Variants in EFCAB6 observed in about 807,000 individuals in gnomAD.
The protein encoded by EFCAB6 is EF-hand calcium-binding domain-containing protein 6.
In EFCAB6, 156 loss-of-function variants were observed where a neutral mutation model predicts 169.8. The observed-to-expected ratio is 0.92, with a 90% CI of 0.81 to 1.05. EFCAB6 has a LOEUF of 1.05. Ranked by LOEUF, EFCAB6 falls within the 50% of genes least tolerant of loss-of-function variation. The pLI is 0.00. For missense variants in EFCAB6, 1,800 were observed against 1,829.1 expected (o/e 0.98, Z 0.29); for synonymous variants, 698 against 676.4 (o/e 1.03, Z -0.50).
intron 24 of EFCAB6, among the ~76,000 whole-genome samples, chr22:43,584,430 G>A (rs1490044127): frequency 2.6e-5 from 4 of 152,216 alleles, no homozygotes; most frequent in South Asian, 2.1e-4. Context: ...CCAGTCTTAC[G>A]TACCTCCCCA....
chr22:43,723,275 A>G (rs924575875), intron 8 of EFCAB6, among the ~76,000 whole-genome samples: 3 of 152,196 alleles, frequency 2.0e-5, no homozygotes, highest in African/African-American at 7.2e-5. Flanking sequence ...AAAGTTGAAC[A>G]CACATGGATA....
At chr22:43,555,610 C>A (rs768232729) in intron 26 of EFCAB6, among the ~76,000 whole-genome samples, 2 of 152,194 alleles carry the variant, frequency 1.3e-5, no homozygotes, top group Non-Finnish European at 1.5e-5. Flanking sequence ...TTCCTTGAAG[C>A]CTGAAACTTT....
At chr22:43,574,428 G>A (rs1285035430) in intron 26 of EFCAB6, among the ~76,000 whole-genome samples, 1 of 152,148 alleles carries the variant, frequency 6.6e-6, no homozygotes, top group African/African-American at 2.4e-5. Flanking sequence ...ACTTCTGGGA[G>A]CCTGTCTACT....
chr22:43,541,331 G>T lies in EFCAB6; in HGVS notation c.3649-974C>A, dbSNP rs8136623. ...GAGAGGTACGGAAGTCGGGGTTGGG[G>T]GGTGCAAAGGCAAAAAGGTTTAGTT... On this transcript the variant is annotated intron_variant, in intron 27 of 31. Transcript: ENST00000262726. Among the ~76,000 whole-genome samples, 254 of 152,306 alleles carry T rather than the reference G, an allele frequency of 1.7e-3. 1 individual carries two copies. The highest frequency in any genetic ancestry group is 5.8e-3 in the African/African-American group (240 of 41,562).
intron 2 of EFCAB6, among the ~76,000 whole-genome samples, chr22:43,786,356 A>G (rs926881325): frequency 6.6e-6 from 1 of 152,166 alleles, no homozygotes; most frequent in Non-Finnish European, 1.5e-5. Context: ...TGAAAAATAG[A>G]AGAAAAAACA....
At chr22:43,626,747 C>A (rs1256108907) in intron 19 of EFCAB6, 68 bp from the exon 20 acceptor site, 3 of 1,470,668 alleles carry the variant, frequency 2.0e-6, no homozygotes, top group Non-Finnish European at 2.8e-6. Context: ...TGCACACCCC[C>A]ACGTGTAGAG....
At chr22:43,675,256 GTATA>G in intron 13 of EFCAB6, among the ~76,000 whole-genome samples, 1 of 138,432 alleles carries the variant, frequency 7.2e-6, no homozygotes, top group Non-Finnish European at 1.5e-5. Context: ...TATATTATGT[GTATA>G]TAATATATTA....
chr22:43,544,885 G>A (rs2047956382), intron 27 of EFCAB6, among the ~76,000 whole-genome samples: 1 of 152,088 alleles, frequency 6.6e-6, no homozygotes, highest in African/African-American at 2.4e-5. Flanking sequence ...CACTTTGGGA[G>A]GCCGAGGCAG....
At chr22:43,680,206 CAG>C (rs1226610356) in intron 12 of EFCAB6, among the ~76,000 whole-genome samples, 1 of 152,164 alleles carries the variant, frequency 6.6e-6, no homozygotes, top group Non-Finnish European at 1.5e-5. Context: ...AACATTTTAA[CAG>C]ATATTTTCCT....
chr22:43,785,177 T>G (rs769504450), intron 2 of EFCAB6, among the ~76,000 whole-genome samples: 39 of 152,102 alleles, frequency 2.6e-4, no homozygotes, highest in Non-Finnish European at 5.0e-4. Context: ...ACAAACCAAC[T>G]AGACCTCACA....
At chr22:43,641,836 T>C (rs2055826615) in intron 17 of EFCAB6, among the ~76,000 whole-genome samples, 1 of 152,136 alleles carries the variant, frequency 6.6e-6, no homozygotes, top group South Asian at 2.1e-4. Flanking sequence ...AAAGTTCTCT[T>C]CTGAAAATAT....
chr22:43,600,356 G>A (rs1304031379), intron 22 of EFCAB6, 93 bp from the exon 23 acceptor site: 1 of 1,292,560 alleles, frequency 7.7e-7, no homozygotes, highest in East Asian at 2.3e-5. Context: ...CCATCCATGA[G>A]GAGCTCGTCT....
intron 8 of EFCAB6, among the ~76,000 whole-genome samples, chr22:43,729,355 C>T (rs2059852812): frequency 6.6e-6 from 1 of 152,124 alleles, no homozygotes; most frequent in African/African-American, 2.4e-5. Flanking sequence ...CCTCAGCCTC[C>T]CAAAGTGCTG....
chr22:43,697,919 G>C (rs917578377), intron 10 of EFCAB6, among the ~76,000 whole-genome samples: 8 of 152,128 alleles, frequency 5.3e-5, no homozygotes, highest in African/African-American at 1.9e-4. Flanking sequence ...GGCAGCAAAG[G>C]GTGACAGAGG....
intron 29 of EFCAB6, chr22:43,535,141 T>C (rs2047310674): frequency 2.6e-6 from 1 of 382,396 alleles, no homozygotes; most frequent in Non-Finnish European, 4.6e-6. Flanking sequence ...ATGGGAGCTA[T>C]GACCAAAACA....
At chr22:43,641,139 T>C (rs1467154037) in intron 17 of EFCAB6, among the ~76,000 whole-genome samples, 3 of 152,186 alleles carry the variant, frequency 2.0e-5, no homozygotes, top group Non-Finnish European at 4.4e-5. Flanking sequence ...ATAGTAGGTG[T>C]TCACTAAAAG....
In EFCAB6 at chr22:43,642,929, G is replaced by C. The variant is rs139273283; in HGVS notation, c.1984-7713C>G. On this transcript the variant is annotated intron_variant, in intron 17 of 31. Transcript: ENST00000262726. ...ACACCATGAATGGTCACAGGGCGCAGGGCATCTCAGATAAGAAGCCCCTTG... is the reference window on the plus strand; with the variant it reads ...ACACCATGAATGGTCACAGGGCGCACGGCATCTCAGATAAGAAGCCCCTTG... Among the ~76,000 whole-genome samples the C allele has an allele frequency of 2.5e-3, 386 of 152,292 alleles. 1 individual carries two copies. The highest frequency in any genetic ancestry group is 0.014 in the Middle Eastern group (4 of 294).
Position 43,744,745 on chromosome 22 carries a change from C to A in EFCAB6, c.508-8752G>T, listed in dbSNP as rs1303293658. Among the ~76,000 whole-genome samples the A allele has an allele frequency of 6.6e-6, 1 of 152,132 alleles. No homozygotes were observed. The highest frequency in any genetic ancestry group is 1.5e-5 in the Non-Finnish European group (1 of 68,034). On this transcript the variant is annotated intron_variant, in intron 6 of 31. Coordinates refer to ENST00000262726, the MANE Select transcript of EFCAB6 (RefSeq NM_022785.4). This position sits in a 1 kb window ranked among gnomAD's most constrained non-coding sequence, Gnocchi z 4.3. Reference sequence around the variant, plus strand: ...CCACGGACCCTATAGGAGAGCTTCCCAGAGAGGACCCAGATAAGGGAGAGA... The same window carrying A: ...CCACGGACCCTATAGGAGAGCTTCCAAGAGAGGACCCAGATAAGGGAGAGA...
intron 2 of EFCAB6, among the ~76,000 whole-genome samples, chr22:43,783,115 C>T (rs1207022733): frequency 6.6e-6 from 1 of 152,178 alleles, no homozygotes. Context: ...AAAGATCCTA[C>T]TCCCAAGGCT....
Sources: allele counts gnomAD v4.1 joint callset (sites outside exome capture counted in the v4.1 genomes callset), GRCh38; gene constraint gnomAD v4.1.1; non-coding constraint Gnocchi (gnomAD v3.1); transcripts MANE v1.5; gene names NCBI Gene and HGNC (gene_info 2026-07-23, HGNC 2026-07-21).